Variants in PDE8B observed in about 807,000 individuals in gnomAD.
PDE8B encodes the protein phosphodiesterase 8B.
PDE8B carries 26 observed loss-of-function variants against 101.3 expected under a neutral mutation model. The observed-to-expected ratio is 0.26, with a 90% CI of 0.19 to 0.36. The LOEUF (loss-of-function observed/expected upper bound fraction) is 0.36. Among genes scored for constraint, PDE8B ranks in the 10% least tolerant of loss-of-function variants. The probability of loss-of-function intolerance (pLI) is 1.00; values close to 1 mark genes in which losing one functional copy is unlikely to be tolerated. For missense variants in PDE8B, 810 were observed against 1,163.1 expected (o/e 0.70, Z 4.42); for synonymous variants, 424 against 429.3 (o/e 0.99, Z 0.15).
the PDE8B span, among the ~76,000 whole-genome samples, chr5:77,135,473 A>ATTTTTTTTTTTTTTTTTTTTTT: frequency 1.6e-5 from 2 of 121,534 alleles, no homozygotes; most frequent in African/African-American, 3.3e-5. Context: ...AGCCAGAGGA[A>ATTTTTTTTTTTTTTTTTTTTTT]TTTTTTTTTT....
chr5:77,362,019 T>C lies in PDE8B; in HGVS notation c.1167+8613T>C, dbSNP rs184963874. ...AATATTGTTTTGAAATTGTGTGTTA[T>C]ACATTCTTTGTATTAGGGATTGGGA... On this transcript the variant is annotated intron_variant, in intron 10 of 21. Transcript: ENST00000264917. 3.3e-5 allele frequency among the ~76,000 whole-genome samples: 5 copies of C among 152,354 alleles called. No individual in the cohort carries two copies. The East Asian group carries it at 7.7e-4, about 24-fold the overall frequency.
At chr5:77,407,132 T>A (rs535050519) in intron 12 of PDE8B, among the ~76,000 whole-genome samples, 16 of 152,204 alleles carry the variant, frequency 1.1e-4, no homozygotes, top group Admixed American at 5.2e-4. Context: ...TCTCTGAAAT[T>A]CCCCTTGTGG....
chr5:77,368,905 C>G (rs539747798), intron 10 of PDE8B, among the ~76,000 whole-genome samples: 1 of 151,972 alleles, frequency 6.6e-6, no homozygotes, highest in East Asian at 1.9e-4. Context: ...ATCTTAAAGA[C>G]AAAAGAAAAA....
chr5:77,217,410 A>G (rs1750021486), intron 1 of PDE8B, among the ~76,000 whole-genome samples: 1 of 152,218 alleles, frequency 6.6e-6, no homozygotes, highest in Non-Finnish European at 1.5e-5. Context: ...TATATTTTCA[A>G]TAAAGAATGT....
chr5:77,336,328 C>T (rs533989736), intron 5 of PDE8B, among the ~76,000 whole-genome samples: 1 of 152,176 alleles, frequency 6.6e-6, no homozygotes, highest in Non-Finnish European at 1.5e-5. Context: ...GCAAAACAAA[C>T]AAGCAAAAAG....
At chr5:77,188,626 C>G in the PDE8B span, among the ~76,000 whole-genome samples, 1 of 152,192 alleles carries the variant, frequency 6.6e-6, no homozygotes, top group African/African-American at 2.4e-5. Context: ...CTCACGGCTG[C>G]AAGGATTGCA....
intron 2 of PDE8B, among the ~76,000 whole-genome samples, chr5:77,321,553 T>C (rs1378986629): frequency 3.3e-5 from 5 of 152,176 alleles, no homozygotes; most frequent in African/African-American, 1.2e-4. Context: ...AGCCTAGCTA[T>C]AGCCTGGGAG....
chr5:77,301,907 G>A (rs1362459574), intron 1 of PDE8B, among the ~76,000 whole-genome samples: 1 of 152,046 alleles, frequency 6.6e-6, no homozygotes, highest in Non-Finnish European at 1.5e-5. Flanking sequence ...GTTTTGTTTT[G>A]TTTTGTTTTC....
At chr5:77,119,381 T>G in the PDE8B span, 2 of 152,292 alleles carry the variant, frequency 1.3e-5, no homozygotes, top group African/African-American at 2.4e-5. Flanking sequence ...GTTCATGGCC[T>G]GGCGTGGTGG....
the PDE8B span, among the ~76,000 whole-genome samples, chr5:77,152,530 C>T: frequency 2.0e-5 from 3 of 152,092 alleles, no homozygotes; most frequent in Admixed American, 6.5e-5. Context: ...TGAAGAAGGA[C>T]GGGGCAGTTT....
chr5:77,400,726 C>G (rs1792086913), intron 11 of PDE8B, among the ~76,000 whole-genome samples: 1 of 152,160 alleles, frequency 6.6e-6, no homozygotes, highest in African/African-American at 2.4e-5. Flanking sequence ...GAGGCAGAAG[C>G]ACCAAGTTCC....
the PDE8B span, among the ~76,000 whole-genome samples, chr5:77,138,361 T>C: frequency 6.6e-6 from 1 of 152,158 alleles, no homozygotes; most frequent in Non-Finnish European, 1.5e-5. Flanking sequence ...CTCTTGTCCC[T>C]CAGGGTGGTT....
intron 1 of PDE8B, among the ~76,000 whole-genome samples, chr5:77,223,301 G>A (rs1404818745): frequency 6.6e-6 from 1 of 150,796 alleles, no homozygotes; most frequent in Non-Finnish European, 1.5e-5. Context: ...AGTTACATAC[G>A]TATACATGTG....
intron 10 of PDE8B, among the ~76,000 whole-genome samples, chr5:77,398,267 T>TAA (rs78004093): frequency 7.9e-5 from 11 of 139,244 alleles, no homozygotes; most frequent in East Asian, 4.1e-4. Flanking sequence ...GTAGGGCCCT[T>TAA]AAAAAAAAAA....
intron 1 of PDE8B, among the ~76,000 whole-genome samples, chr5:77,259,077 C>CCA: frequency 2.4e-5 from 2 of 83,526 alleles, no homozygotes; most frequent in South Asian, 6.9e-4. Flanking sequence ...CACCCCCGCC[C>CCA]CCCCCCCACA....
At chr5:77,378,049 C>CACAAT (rs1554093056) in intron 10 of PDE8B, among the ~76,000 whole-genome samples, 1 of 148,370 alleles carries the variant, frequency 6.7e-6, no homozygotes. Context: ...CACACACACA[C>CACAAT]CCCCTGTTGG....
At chr5:77,399,759 G>C (rs1293071683) in intron 10 of PDE8B, among the ~76,000 whole-genome samples, 1 of 152,202 alleles carries the variant, frequency 6.6e-6, no homozygotes, top group Non-Finnish European at 1.5e-5. Flanking sequence ...CTCATCGTGA[G>C]AAAACATTTT....
the PDE8B span, among the ~76,000 whole-genome samples, chr5:77,091,137 C>T: frequency 6.6e-6 from 1 of 152,122 alleles, no homozygotes; most frequent in Admixed American, 6.6e-5. Flanking sequence ...GTCATTTTGA[C>T]TTGCAATTTC....
intron 1 of PDE8B, among the ~76,000 whole-genome samples, chr5:77,271,408 G>A (rs1024563923): frequency 7.9e-5 from 12 of 152,292 alleles, no homozygotes; most frequent in Middle Eastern, 3.4e-3. Flanking sequence ...TTGTGGGAGT[G>A]GAATCTAGAT....
Sources: gnomAD v4.1 joint callset for allele counts (sites outside exome capture counted in the v4.1 genomes callset) on GRCh38, gnomAD v4.1.1 for gene constraint, MANE v1.5 for transcripts, NCBI Gene and HGNC (gene_info 2026-07-23, HGNC 2026-07-21) for gene names.